The following SPART variants were observed in gnomAD, a reference collection of about 807,000 sequenced individuals.
SPART encodes spastic paraplegia 20 (Troyer syndrome).
In SPART, 35 loss-of-function variants were observed where a neutral mutation model predicts 58.7. The observed-to-expected ratio is 0.60, with a 90% CI of 0.46 to 0.79. The LOEUF is 0.79. Ranked by LOEUF, SPART falls within the 30% of genes least tolerant of loss-of-function variation. The pLI is 0.00. For missense variants in SPART, 730 were observed against 786.1 expected, an observed-to-expected ratio of 0.93 and a Z score of 0.85; for synonymous variants, 284 against 280.7, an observed-to-expected ratio of 1.01 and a Z score of -0.12.
chr13:36,358,769 T>G (rs1254480117), intron 1 of SPART, among the ~76,000 whole-genome samples: 1 of 152,212 alleles, frequency 6.6e-6, no homozygotes, highest in Non-Finnish European at 1.5e-5. Flanking sequence ...AATCGTATTT[T>G]AAGTAGCCCA....
At chr13:36,326,906 G>A (rs1486339656) in intron 4 of SPART, among the ~76,000 whole-genome samples, 1 of 151,960 alleles carries the variant, frequency 6.6e-6, no homozygotes, top group Admixed American at 6.6e-5. Flanking sequence ...TATAAATCTT[G>A]ACTGGTAAGA....
chr13:36,364,141 G>A (rs6563467), intron 1 of SPART, among the ~76,000 whole-genome samples: 125,195 of 152,082 alleles, frequency 0.82, 51,764 homozygotes, highest in African/African-American at 0.9. Context: ...CATTCTCCAC[G>A]TTATCCCTGG....
intron 1 of SPART, among the ~76,000 whole-genome samples, chr13:36,367,593 G>A (rs1432879921): frequency 6.6e-6 from 1 of 151,456 alleles, no homozygotes; most frequent in East Asian, 1.9e-4. Flanking sequence ...TAAACTCTCC[G>A]CTCTTAAAAC....
At chr13:36,333,686 G>T (rs569470681) in intron 2 of SPART, among the ~76,000 whole-genome samples, 1 of 152,180 alleles carries the variant, frequency 6.6e-6, no homozygotes, top group East Asian at 1.9e-4. Flanking sequence ...ATGTAACCAC[G>T]GTACAGTATT....
intron 1 of SPART, among the ~76,000 whole-genome samples, chr13:36,342,892 T>C (rs767036285): frequency 8.5e-5 from 13 of 152,184 alleles, no homozygotes; most frequent in Non-Finnish European, 1.5e-4. Flanking sequence ...TGATTTTTAT[T>C]CCCCAAGATC....
At chr13:36,337,915 A>T (rs1449911219) in intron 1 of SPART, among the ~76,000 whole-genome samples, 1 of 152,210 alleles carries the variant, frequency 6.6e-6, no homozygotes, top group Non-Finnish European at 1.5e-5. Context: ...GGTTGCTAAG[A>T]TCTACCATTA....
chr13:36,346,404 C>G (rs1885130973), upstream of SPART: 1 of 152,188 alleles, frequency 6.6e-6, no homozygotes, highest in African/African-American at 2.4e-5. Flanking sequence ...CGTTCCACGA[C>G]GCGCGCTCTC....
intron 1 of SPART, among the ~76,000 whole-genome samples, chr13:36,339,746 A>G (rs1307236108): frequency 2.0e-5 from 3 of 152,232 alleles, no homozygotes; most frequent in Non-Finnish European, 4.4e-5. Context: ...ATTTCCTAGA[A>G]TTGGAAAACA....
In SPART at chr13:36,335,014, C is replaced by T. The variant is rs756487988; in HGVS notation, c.810+7G>A. On this transcript the variant is annotated splice_region_variant and intron_variant, in intron 2 of 8. Transcript: ENST00000438666. ...TCAAATTATGCTTTCATTTTTCTTTCGCTTACCTGAAGAAACCCGGGAGGA... is the reference window on the plus strand; with the variant it reads ...TCAAATTATGCTTTCATTTTTCTTTTGCTTACCTGAAGAAACCCGGGAGGA... The T allele has an allele frequency of 6.2e-6, 10 of 1,609,940 alleles. No homozygotes were observed. The African/African-American group carries it at 8.0e-5, about 13-fold the overall frequency.
Position 36,335,069 on chromosome 13 carries a change from C to T in SPART, c.762G>A (p.Leu254=), listed in dbSNP as rs760191322. 1.6e-5 allele frequency: 26 copies of T among 1,613,932 alleles called. No homozygotes were observed. Among genetic ancestry groups the T allele is most frequent in the Admixed American group, 5.0e-5 (3 of 59,996 alleles). The part of the protein sequence containing the change: ...YPGYLRIVRF[L]DNSLDTVLNR... ...TTAGAACCGTATCGAGAGAATTATC[C>T]AAAAACCTCACAATTCGAAGGTACC... Residue 254 remains leucine, a synonymous_variant, in exon 2 of 9, where the codon TTG becomes TTA. Coordinates refer to ENST00000438666, the MANE Select transcript of SPART (RefSeq NM_015087.5).
intron 8 of SPART, among the ~76,000 whole-genome samples, chr13:36,308,957 T>C (rs1880793345): frequency 6.6e-6 from 1 of 152,148 alleles, no homozygotes; most frequent in Admixed American, 6.5e-5. Context: ...GTAAAACTGA[T>C]ACTCTGGCCA....
At chr13:36,356,823 A>G (rs745771059) in intron 1 of SPART, among the ~76,000 whole-genome samples, 9 of 152,238 alleles carry the variant, frequency 5.9e-5, no homozygotes, top group Non-Finnish European at 1.0e-4. Context: ...TTTTGTCAAC[A>G]TAAGTAAGGG....
upstream of SPART, among the ~76,000 whole-genome samples, chr13:36,348,469 A>G (rs1394975721): frequency 1.3e-5 from 2 of 152,230 alleles, no homozygotes; most frequent in African/African-American, 4.8e-5. Flanking sequence ...ACCCTAAAGA[A>G]TTTACTACAA....
intron 2 of SPART, among the ~76,000 whole-genome samples, chr13:36,333,639 T>C (rs887657991): frequency 1.3e-5 from 2 of 152,144 alleles, no homozygotes; most frequent in Non-Finnish European, 1.5e-5. Flanking sequence ...AAGGACAAAT[T>C]TGTATTAAAG....
At chr13:36,358,523 T>G (rs1885711309) in intron 1 of SPART, among the ~76,000 whole-genome samples, 1 of 152,218 alleles carries the variant, frequency 6.6e-6, no homozygotes, top group Non-Finnish European at 1.5e-5. Context: ...ATTGGCCATT[T>G]TTAAAACTCT....
intron 5 of SPART, chr13:36,326,238 G>T (rs1882919273): frequency 5.9e-6 from 2 of 338,752 alleles, no homozygotes; most frequent in South Asian, 5.0e-5. Context: ...ACAGCTGAGG[G>T]ACAGGGGTAG....
chr13:36,304,700 A>G lies in SPART; in HGVS notation c.1734-68T>C, dbSNP rs1014632573. On this transcript the variant is annotated intron_variant, in intron 8 of 8. Transcript: ENST00000438666. Reference sequence around the variant, plus strand: ...ATAAAATAAGGTCTTCTGAATTAGTATTAAATAAGTCAAATGATTACTGTG... The same window carrying G: ...ATAAAATAAGGTCTTCTGAATTAGTGTTAAATAAGTCAAATGATTACTGTG... 227 of 1,512,210 alleles carry G rather than the reference A, an allele frequency of 1.5e-4. 1 individual carries two copies. Among genetic ancestry groups the G allele is most frequent in the Non-Finnish European group, 1.9e-4 (207 of 1,111,698 alleles). The allele number at this position is 1,512,210 out of a possible 1,614,324, so 93.7% of individuals were successfully genotyped here. A position where few individuals can be genotyped will look rare whatever the true frequency, so the allele number is the denominator to read the frequency against.
intron 8 of SPART, among the ~76,000 whole-genome samples, chr13:36,305,368 A>C (rs1291682415): frequency 6.6e-6 from 1 of 152,020 alleles, no homozygotes; most frequent in Non-Finnish European, 1.5e-5. Flanking sequence ...CCCATTACTT[A>C]CCACTTTCTA....
Position 36,301,940 on chromosome 13 carries a change from C to T in SPART, c.*2425G>A, listed in dbSNP as rs1440115474. The T allele has an allele frequency of 6.6e-6, 1 of 152,064 alleles. No individual in the cohort carries two copies. Among genetic ancestry groups the T allele is most frequent in the Non-Finnish European group, 1.5e-5 (1 of 67,996 alleles). 9.4% of individuals were successfully genotyped at this position (152,064 alleles called of 1,614,324 possible). A position where few individuals can be genotyped will look rare whatever the true frequency, so the allele number is the denominator to read the frequency against. On this transcript the variant is annotated 3_prime_UTR_variant, in exon 9 of 9. Transcript: ENST00000438666. The stretch of plus-strand genomic sequence containing the variant: ...ACAGAATACTATAGAGCAAGTAAAC[C>T]ATCCATGCATATAAGCGCAAGAATG...
Sources: allele counts gnomAD v4.1 joint callset (sites outside exome capture counted in the v4.1 genomes callset), GRCh38; gene constraint gnomAD v4.1.1; transcripts MANE v1.5; gene names NCBI Gene and HGNC (gene_info 2026-07-23, HGNC 2026-07-21).